DSCAM: variants seen among roughly 807,000 people sequenced by gnomAD.
DSCAM encodes cell adhesion molecule DSCAM.
Under a neutral mutation model 217.7 loss-of-function variants are expected in DSCAM, and 47 were observed. The ratio of observed to expected loss-of-function variants is 0.22; its 90% CI spans 0.17 to 0.28. DSCAM has a LOEUF of 0.28. Ranked by LOEUF, DSCAM falls within the 10% of genes least tolerant of loss-of-function variation. DSCAM has a pLI of 1.00. For synonymous variants in DSCAM, 1,056 were observed against 1,015.3 expected, an observed-to-expected ratio of 1.04 and a Z score of -0.76; for missense variants, 2,080 against 2,618.3, an observed-to-expected ratio of 0.79 and a Z score of 4.49.
At chr21:40,067,122 C>T (rs2089217323) in intron 27 of DSCAM, among the ~76,000 whole-genome samples, 2 of 152,154 alleles carry the variant, frequency 1.3e-5, no homozygotes, top group South Asian at 2.1e-4. Flanking sequence ...TACAGTTGGG[C>T]AAAACTATCT....
Position 40,411,170 on chromosome 21 carries a change from TTATA to T in DSCAM, c.509-41929_509-41926del, listed in dbSNP as rs760543533. On this transcript the variant is annotated intron_variant, in intron 3 of 32. Transcript: ENST00000400454. ...AATATTACTTGAAGATAGACAGTAA[TTATA>T]TACACACACACACACACACACACAC... 2.1e-3 allele frequency among the ~76,000 whole-genome samples: 119 copies of T among 56,484 alleles called. 1 individual carries two copies. Among genetic ancestry groups the T allele is most frequent in the Non-Finnish European group, 4.1e-3 (96 of 23,152 alleles). 37.1% of individuals were successfully genotyped at this position (56,484 alleles called of 152,430 possible).
chr21:40,585,334 T>TTAAAA (rs2076937272), intron 3 of DSCAM, among the ~76,000 whole-genome samples: 1 of 53,306 alleles, frequency 1.9e-5, no homozygotes, highest in Non-Finnish European at 5.0e-5. Context: ...AGAAAAATGC[T>TTAAAA]GCGTGAACCC....
intron 3 of DSCAM, among the ~76,000 whole-genome samples, chr21:40,590,864 C>A (rs894455486): frequency 7.9e-5 from 12 of 152,068 alleles, no homozygotes; most frequent in Non-Finnish European, 2.9e-5. Flanking sequence ...CTCATCTTTG[C>A]CTTAAAAACA....
At chr21:40,303,119 G>T (rs955099711) in intron 9 of DSCAM, among the ~76,000 whole-genome samples, 5 of 152,156 alleles carry the variant, frequency 3.3e-5, no homozygotes, top group Non-Finnish European at 5.9e-5. Flanking sequence ...TCTACTTGGT[G>T]ACATTTAGTT....
At chr21:40,259,996 G>A (rs1441811704) in intron 11 of DSCAM, among the ~76,000 whole-genome samples, 1 of 151,866 alleles carries the variant, frequency 6.6e-6, no homozygotes, top group Non-Finnish European at 1.5e-5. Flanking sequence ...CAAAGTGCTG[G>A]GATTACAGGC....
intron 3 of DSCAM, among the ~76,000 whole-genome samples, chr21:40,680,582 T>TAA (rs2090390489): frequency 6.6e-6 from 1 of 152,246 alleles, no homozygotes; most frequent in Non-Finnish European, 1.5e-5. Flanking sequence ...TATCTGTTTA[T>TAA]AGCTTCTTTT....
intron 20 of DSCAM, 91 bp from the exon 21 acceptor site, chr21:40,093,965 T>C: frequency 7.3e-7 from 1 of 1,375,888 alleles, no homozygotes; most frequent in Non-Finnish European, 9.9e-7. Context: ...ATATTAAATA[T>C]CATAACAAAA....
At chr21:40,336,517 A>G (rs1306127230) in intron 8 of DSCAM, among the ~76,000 whole-genome samples, 1 of 152,246 alleles carries the variant, frequency 6.6e-6, no homozygotes, top group Non-Finnish European at 1.5e-5. Context: ...TCTGTGTAAC[A>G]CAGTGAACCA....
chr21:40,580,857 G>C (rs926175229), intron 3 of DSCAM, among the ~76,000 whole-genome samples: 2 of 152,164 alleles, frequency 1.3e-5, no homozygotes, highest in African/African-American at 4.8e-5. Flanking sequence ...CATAGCTATG[G>C]TGTTTATTAG....
chr21:40,545,610 C>T (rs975560012), intron 3 of DSCAM, among the ~76,000 whole-genome samples: 4 of 152,022 alleles, frequency 2.6e-5, no homozygotes, highest in African/African-American at 9.7e-5. Context: ...ACCTCAGTTT[C>T]CTCATCTCTA....
intron 32 of DSCAM, among the ~76,000 whole-genome samples, chr21:40,020,051 G>A (rs1214010854): frequency 1.3e-5 from 2 of 151,616 alleles, no homozygotes; most frequent in Non-Finnish European, 2.9e-5. Flanking sequence ...TTCTTGAATT[G>A]TAGCTCCCAT....
At chr21:40,051,373 C>T (rs1014476569) in intron 30 of DSCAM, among the ~76,000 whole-genome samples, 1 of 152,054 alleles carries the variant, frequency 6.6e-6, no homozygotes, top group African/African-American at 2.4e-5. Context: ...TAACAAAATC[C>T]AACATAATCT....
chr21:40,044,005 A>T (rs1261097060), intron 31 of DSCAM, 73 bp downstream of exon 31: 1 of 1,510,112 alleles, frequency 6.6e-7, no homozygotes. Context: ...CCCCTCCCCA[A>T]GGAGCCCATG....
chr21:40,723,090 C>CT (rs3071003), intron 1 of DSCAM, among the ~76,000 whole-genome samples: 8,153 of 139,514 alleles, frequency 0.058, 303 homozygotes, highest in African/African-American at 0.1. Flanking sequence ...CTCTCTCGCT[C>CT]TTTTTTTTTT....
At position 40,228,265 on chromosome 21, in the gene DSCAM, C is replaced by A. The variant is rs2142081; in HGVS notation, c.2357-39027G>T. ...GGAAAGCTTCTCTTTCCATGTCGTC[C>A]TTTCTGGAAGGAAGTCGCTCTGCAA... On this transcript the variant is annotated intron_variant, in intron 11 of 32. Transcript: ENST00000400454. 0.013 allele frequency among the ~76,000 whole-genome samples: 2,006 copies of A among 152,200 alleles called. 83 individuals are homozygous for A. In the East Asian group the frequency reaches 0.14, roughly 11 times the overall value.
At chr21:40,696,418 G>A (rs2090595750) in intron 2 of DSCAM, among the ~76,000 whole-genome samples, 1 of 152,190 alleles carries the variant, frequency 6.6e-6, no homozygotes, top group Admixed American at 6.5e-5. Flanking sequence ...GTGGTTTCAG[G>A]TGAAGTCCCA....
chr21:40,473,118 G>C (rs1307499022), intron 3 of DSCAM, among the ~76,000 whole-genome samples: 1 of 152,180 alleles, frequency 6.6e-6, no homozygotes, highest in African/African-American at 2.4e-5. Context: ...CTAAAAAGCA[G>C]CCATGGCAAC....
chr21:40,026,324 G>C (rs1403050047), intron 32 of DSCAM, among the ~76,000 whole-genome samples: 1 of 142,150 alleles, frequency 7.0e-6, no homozygotes, highest in Non-Finnish European at 1.6e-5. Context: ...GGTGTGGTGT[G>C]GTGCTGAAAA....
chr21:40,596,013 G>A (rs2077018928), intron 3 of DSCAM, among the ~76,000 whole-genome samples: 1 of 152,294 alleles, frequency 6.6e-6, no homozygotes, highest in South Asian at 2.1e-4. Flanking sequence ...CTGGCCTGTG[G>A]TTTTCCTTTG....
Sources: allele counts gnomAD v4.1 joint callset (sites outside exome capture counted in the v4.1 genomes callset), GRCh38; gene constraint gnomAD v4.1.1; transcripts MANE v1.5; gene names NCBI Gene and HGNC (gene_info 2026-07-23, HGNC 2026-07-21).